Variants in BEND7 observed in about 807,000 individuals in gnomAD.
The protein encoded by BEND7 is BEN domain-containing protein 7.
In BEND7, 28 loss-of-function variants were observed where a neutral mutation model predicts 50.9. The ratio of observed to expected loss-of-function variants is 0.55; its 90% CI spans 0.41 to 0.75. The LOEUF is 0.75. Among genes scored for constraint, BEND7 ranks in the 30% least tolerant of loss-of-function variants. BEND7 has a pLI of 0.00. For missense variants in BEND7, 477 were observed against 491.3 expected, an observed-to-expected ratio of 0.97 and a Z score of 0.28; for synonymous variants, 170 against 183.9, an observed-to-expected ratio of 0.92 and a Z score of 0.61.
chr10:13,488,020 G>A (rs1333693696), intron 5 of BEND7, among the ~76,000 whole-genome samples: 1 of 149,588 alleles, frequency 6.7e-6, no homozygotes, highest in East Asian at 2.0e-4. Flanking sequence ...TTGAACCCTG[G>A]AGGTGAGCCA....
At chr10:13,514,695 G>A (rs1020525286) in intron 2 of BEND7, among the ~76,000 whole-genome samples, 1 of 152,170 alleles carries the variant, frequency 6.6e-6, no homozygotes, top group African/African-American at 2.4e-5. Flanking sequence ...AAACGCTAAA[G>A]CTAATATTCC....
intron 2 of BEND7, 67 bp downstream of exon 2, chr10:13,526,071 C>T: frequency 1.2e-6 from 1 of 848,606 alleles, no homozygotes; most frequent in Non-Finnish European, 1.7e-6. Context: ...GAACAATTTC[C>T]TTTTTTCCCC....
At chr10:13,469,586 C>T (rs1487027355) in intron 6 of BEND7, among the ~76,000 whole-genome samples, 1 of 152,184 alleles carries the variant, frequency 6.6e-6, no homozygotes, top group Admixed American at 6.5e-5. Context: ...AAGTGATTCC[C>T]CTGCCTCAGC....
intron 8 of BEND7, chr10:13,446,105 T>TTA (rs1404345025): frequency 6.6e-6 from 1 of 152,250 alleles, no homozygotes; most frequent in African/African-American, 2.4e-5. Flanking sequence ...GAAATCTCTT[T>TTA]TATATAATGA....
intron 6 of BEND7, among the ~76,000 whole-genome samples, chr10:13,471,934 G>A (rs564340703): frequency 1.3e-5 from 2 of 151,782 alleles, no homozygotes; most frequent in Admixed American, 6.5e-5. Flanking sequence ...TGTTAGACTC[G>A]GGGTCGATAT....
chr10:13,440,866 C>A (rs1056802342), downstream of BEND7, among the ~76,000 whole-genome samples: 6 of 152,196 alleles, frequency 3.9e-5, no homozygotes, highest in African/African-American at 1.2e-4. Context: ...CTTGCTGTAG[C>A]CATTGATCTA....
At chr10:13,491,464 C>G (rs369960113) in intron 5 of BEND7, among the ~76,000 whole-genome samples, 1 of 151,706 alleles carries the variant, frequency 6.6e-6, no homozygotes, top group African/African-American at 2.4e-5. Context: ...ATTGCATGAG[C>G]TGACTGGTCC....
At chr10:13,468,524 A>AG (rs1216667238) in intron 6 of BEND7, among the ~76,000 whole-genome samples, 24 of 152,244 alleles carry the variant, frequency 1.6e-4, no homozygotes. Context: ...GAATAGGCCA[A>AG]GGGGAAGTAA....
chr10:13,525,967 G>T (rs2079433631), intron 2 of BEND7, among the ~76,000 whole-genome samples, 171 bp downstream of exon 2: 1 of 152,164 alleles, frequency 6.6e-6, no homozygotes, highest in African/African-American at 2.4e-5. Flanking sequence ...ACAACTTTTA[G>T]CAATGTTAAT....
At chr10:13,455,067 A>G (rs568972890) in intron 6 of BEND7, among the ~76,000 whole-genome samples, 2 of 152,010 alleles carry the variant, frequency 1.3e-5, no homozygotes, top group East Asian at 3.9e-4. Flanking sequence ...AGCTACTCAG[A>G]AGGCAGAGGT....
intron 2 of BEND7, among the ~76,000 whole-genome samples, chr10:13,503,712 AAAACAAAC>A (rs71386198): frequency 1.3e-4 from 19 of 151,350 alleles, no homozygotes; most frequent in Admixed American, 5.9e-4. Flanking sequence ...ACTCCATCTC[AAAACAAAC>A]AAACAAACAA....
rs536761663 is a variant in BEND7 at position 13,441,278 on chromosome 10, A to G, written c.*465T>C. The G allele has an allele frequency of 6.9e-5, 65 of 939,770 alleles. No homozygotes were observed. The South Asian group carries it at 2.8e-3, about 40-fold the overall frequency. 58.2% of individuals were successfully genotyped at this position (939,770 alleles called of 1,614,324 possible). A position where few individuals can be genotyped will look rare whatever the true frequency, so the allele number is the denominator to read the frequency against. On this transcript the variant is annotated 3_prime_UTR_variant, in exon 9 of 9. Coordinates refer to ENST00000466271, the MANE Select transcript of BEND7 (RefSeq NM_001369863.1). ...TAAAACATATATACAGAAGATTGAG[A>G]CATTATCCATAGATATGGATTTTTT...
intron 6 of BEND7, among the ~76,000 whole-genome samples, chr10:13,453,407 C>T (rs1356498841): frequency 6.6e-6 from 1 of 152,176 alleles, no homozygotes; most frequent in Non-Finnish European, 1.5e-5. Context: ...TAGGCCATCA[C>T]ATCACACTGC....
At chr10:13,482,915 ATT>A (rs2075973087) in intron 5 of BEND7, among the ~76,000 whole-genome samples, 1 of 152,186 alleles carries the variant, frequency 6.6e-6, no homozygotes, top group Admixed American at 6.5e-5. Context: ...GATTGAGAGA[ATT>A]TTACCATCAT....
intron 6 of BEND7, among the ~76,000 whole-genome samples, chr10:13,463,681 G>A (rs183779390): frequency 6.6e-5 from 10 of 152,260 alleles, no homozygotes; most frequent in Admixed American, 6.5e-4. Context: ...GAGTAGGGAG[G>A]ATCTTTTAAA....
At chr10:13,478,538 A>G (rs1368181212) in intron 6 of BEND7, among the ~76,000 whole-genome samples, 2 of 152,192 alleles carry the variant, frequency 1.3e-5, no homozygotes, top group African/African-American at 2.4e-5. Context: ...ATTTTCTTAT[A>G]AAACAGTCAA....
chr10:13,527,871 TTTC>T (rs1377310517), intron 1 of BEND7: 1 of 975,328 alleles, frequency 1.0e-6, no homozygotes, highest in Non-Finnish European at 1.2e-6. Context: ...ACTAGATGGA[TTTC>T]TTTTCTTTCT....
chr10:13,529,004 A>C lies in BEND7; in HGVS notation c.-471T>G, dbSNP rs888201141. Reference sequence around the variant, plus strand: ...AAGACGCGGCGGGCGGGCTGCGGGGAGGGCGGCGGCGGGTGCAGAGCCGGC... The same window carrying C: ...AAGACGCGGCGGGCGGGCTGCGGGGCGGGCGGCGGCGGGTGCAGAGCCGGC... On this transcript the variant is annotated 5_prime_UTR_variant, in exon 1 of 9. Coordinates refer to ENST00000466271, the MANE Select transcript of BEND7 (RefSeq NM_001369863.1). The C allele has an allele frequency of 7.1e-6, 1 of 141,096 alleles. No individual in the cohort carries two copies. The highest frequency in any genetic ancestry group is 2.6e-5 in the African/African-American group (1 of 38,788). 8.7% of individuals were successfully genotyped at this position (141,096 alleles called of 1,614,324 possible). A position where few individuals can be genotyped will look rare whatever the true frequency, so the allele number is the denominator to read the frequency against.
rs757518939 is a variant in BEND7, at chr10:13,500,097, C to A, written c.146-17G>T. ...TTTCATCTCCTAATGGAAACAGGGC[C>A]AAAGTTAGCACTCTAAATTAGTGAA... is the stretch of plus-strand genomic sequence containing the variant. On this transcript the variant is annotated splice_polypyrimidine_tract_variant and intron_variant, in intron 2 of 8. Transcript: ENST00000466271. 9.0e-6 allele frequency: 14 copies of A among 1,548,562 alleles called. No homozygotes were observed. The African/African-American group carries it at 1.8e-4, about 20-fold the overall frequency.
Sources: gnomAD v4.1 joint callset for allele counts (sites outside exome capture counted in the v4.1 genomes callset) on GRCh38, gnomAD v4.1.1 for gene constraint, MANE v1.5 for transcripts, NCBI Gene and HGNC (gene_info 2026-07-23, HGNC 2026-07-21) for gene names.